TCF3: variants seen among roughly 807,000 people sequenced by gnomAD.
TCF3 encodes transcription factor E2-alpha.
TCF3 carries 54 observed loss-of-function variants against 72.3 expected under a neutral mutation model. The ratio of observed to expected loss-of-function variants is 0.75; its 90% confidence interval spans 0.60 to 0.94. The LOEUF is 0.94. Ranked by LOEUF, TCF3 falls within the 40% of genes least tolerant of loss-of-function variation. The pLI is 0.00. For missense variants in TCF3, 1,078 were observed against 934.4 expected (o/e 1.15, Z -2.00); for synonymous variants, 525 against 412.6 (o/e 1.27, Z -3.30).
At chr19:1,636,890 C>A (rs150400301) in intron 3 of TCF3, among the ~76,000 whole-genome samples, 1 of 152,150 alleles carries the variant, frequency 6.6e-6, no homozygotes, top group Non-Finnish European at 1.5e-5. Flanking sequence ...CCCTGTGGCC[C>A]GCCCGCGAGC....
At chr19:1,633,037 C>A (rs114195515) in intron 3 of TCF3, among the ~76,000 whole-genome samples, 67 of 141,226 alleles carry the variant, frequency 4.7e-4, no homozygotes, top group African/African-American at 1.6e-3. Context: ...CAGAAGCCTG[C>A]GTGGGGCAGG....
At chr19:1,650,341 A>C (rs2066820294) in intron 1 of TCF3, 54 bp from the exon 2 acceptor site, 6 of 1,323,300 alleles carry the variant, frequency 4.5e-6, no homozygotes, top group Admixed American at 2.1e-5. Context: ...AGGGGAGAAG[A>C]GTTGTGAGTG....
chr19:1,639,533 C>T (rs906991570), intron 3 of TCF3, among the ~76,000 whole-genome samples: 3 of 152,048 alleles, frequency 2.0e-5, no homozygotes, highest in African/African-American at 2.4e-5. Context: ...GGTTCAAAGG[C>T]CTCGCAGCTC....
intron 6 of TCF3, among the ~76,000 whole-genome samples, chr19:1,626,131 G>A (rs369755293): frequency 2.6e-5 from 4 of 152,070 alleles, no homozygotes; most frequent in African/African-American, 9.7e-5. Context: ...GCCCTGAGCC[G>A]GGTCCCGGAA....
In TCF3 at chr19:1,646,642, C is replaced by T. The variant is rs978772123; in HGVS notation, c.73-215G>A. ...AGTGACGCTGCACCCTGGACACCCA[C>T]GCCCAGAGTGAGAAAACTCCAGACG... On this transcript the variant is annotated intron_variant, in intron 2 of 18. Coordinates refer to ENST00000262965, the MANE Select transcript of TCF3 (RefSeq NM_003200.5). 4.6e-5 allele frequency among the ~76,000 whole-genome samples: 7 copies of T among 152,274 alleles called. No homozygotes were observed. In the East Asian group the frequency reaches 5.8e-4, roughly 13 times the overall value.
At chr19:1,624,773 C>T (rs1280335111) in intron 7 of TCF3, among the ~76,000 whole-genome samples, 3 of 152,240 alleles carry the variant, frequency 2.0e-5, no homozygotes, top group African/African-American at 4.8e-5. Context: ...GGCCTCCTCC[C>T]GCATCATGGG....
rs2065436785 is a variant in TCF3 at position 1,642,284 on chromosome 19, G to GCA, written c.145+4070_145+4071insTG. 1.2e-4 allele frequency among the ~76,000 whole-genome samples: 16 copies of GCA among 134,938 alleles called. No homozygotes were observed. The South Asian group carries it at 3.3e-3, about 28-fold the overall frequency. 88.5% of individuals were successfully genotyped at this position (134,938 alleles called of 152,430 possible). A position where few individuals can be genotyped will look rare whatever the true frequency, so the allele number is the denominator to read the frequency against. On this transcript the variant is annotated intron_variant, in intron 3 of 18. Coordinates refer to ENST00000262965, the MANE Select transcript of TCF3 (RefSeq NM_003200.5). ...CACACACGCACGCACACGCACAGAC[G>GCA]CGCACACGCACAGACACACACCCGC...
chr19:1,622,677 G>A (rs772573969), intron 8 of TCF3, among the ~76,000 whole-genome samples: 12 of 152,102 alleles, frequency 7.9e-5, no homozygotes, highest in Non-Finnish European at 1.6e-4. Flanking sequence ...TTGAGGACTT[G>A]GATCTGGCTC....
chr19:1,623,898 C>T (rs745516392), intron 8 of TCF3, 53 bp downstream of exon 8: 18 of 1,586,242 alleles, frequency 1.1e-5, no homozygotes, highest in Non-Finnish European at 1.6e-5. Context: ...GGACACAGGG[C>T]CTGGCACTGC....
chr19:1,624,447 T>C (rs995925958), intron 7 of TCF3, among the ~76,000 whole-genome samples: 7 of 152,212 alleles, frequency 4.6e-5, no homozygotes, highest in African/African-American at 1.7e-4. Flanking sequence ...GGTCTATTTA[T>C]ACGGCTCCAA....
chr19:1,632,148 T>TG (rs2063788861), intron 4 of TCF3, 32 bp from the exon 5 acceptor site: 1 of 1,605,272 alleles, frequency 6.2e-7, no homozygotes, highest in African/African-American at 1.3e-5. Context: ...TGAGAGGTGC[T>TG]GGGGCTTCAC....
Position 1,615,757 on chromosome 19 carries a change from C to T in TCF3, c.1515G>A (p.Glu505=), listed in dbSNP as rs747510414. ...SEIKREEKED[E]ENTSAADHSE... Reference sequence around the variant, plus strand: ...AGTGGTCAGCCGCTGACGTGTTCTCCTCGTCCTCCTTCTCCTCCCGCTTGA... The same window carrying T: ...AGTGGTCAGCCGCTGACGTGTTCTCTTCGTCCTCCTTCTCCTCCCGCTTGA... Residue 505 remains glutamate, a synonymous_variant, in exon 17 of 19, where the codon GAG becomes GAA. Coordinates refer to ENST00000262965, the MANE Select transcript of TCF3 (RefSeq NM_003200.5). The surrounding 1 kb of genome is among the most constrained non-coding windows in gnomAD (Gnocchi z 7.3). 4.4e-6 allele frequency: 7 copies of T among 1,606,626 alleles called. No homozygotes were observed. The highest frequency in any genetic ancestry group is 3.3e-5 in the South Asian group (3 of 90,118).
intron 1 of TCF3, chr19:1,651,151 G>A (rs2066975244): frequency 4.3e-6 from 1 of 231,878 alleles, no homozygotes; most frequent in Non-Finnish European, 8.5e-6. Context: ...CACCTGCCAA[G>A]ACCCATTCCA....
Position 1,615,603 on chromosome 19 carries a change from T to C in TCF3, c.1586+83A>G. 3 of 1,606,938 alleles carry C rather than the reference T, an allele frequency of 1.9e-6. No homozygotes were observed. The highest frequency in any genetic ancestry group is 1.7e-6 in the Non-Finnish European group (2 of 1,179,360). On this transcript the variant is annotated intron_variant, in intron 17 of 18. Transcript: ENST00000262965. The surrounding 1 kb of genome is among the most constrained non-coding windows in gnomAD (Gnocchi z 7.3). ...GTGGGGCCCGCCGACGGCCTCCCAGTGTGGGTGCGGTGTGCGTGTGGCCTG... is the reference window on the plus strand; with the variant it reads ...GTGGGGCCCGCCGACGGCCTCCCAGCGTGGGTGCGGTGTGCGTGTGGCCTG...
intron 18 of TCF3, chr19:1,612,349 C>A: frequency 6.2e-7 from 1 of 1,613,964 alleles, no homozygotes; most frequent in East Asian, 2.2e-5. Flanking sequence ...CCCGCACGCG[C>A]ACCCGCTCCC....
intron 2 of TCF3, among the ~76,000 whole-genome samples, 155 bp downstream of exon 2, chr19:1,650,020 CAG>C (rs111231760): frequency 0.011 from 1,681 of 152,340 alleles, 39 homozygotes; most frequent in African/African-American, 0.039. Context: ...AGCCTCCTGC[CAG>C]AGAGCGGCCC....
chr19:1,647,395 C>G (rs2145669710), intron 2 of TCF3, among the ~76,000 whole-genome samples: 1 of 152,366 alleles, frequency 6.6e-6, no homozygotes, highest in Admixed American at 6.5e-5. Flanking sequence ...TCCCCAACAC[C>G]TTCCCCAGCC....
intron 18 of TCF3, among the ~76,000 whole-genome samples, chr19:1,612,984 G>A (rs1011471017): frequency 6.6e-6 from 1 of 150,478 alleles, no homozygotes; most frequent in Non-Finnish European, 1.5e-5. Flanking sequence ...GTACATGGCT[G>A]GTGCTGCTGT....
chr19:1,613,992 C>T (rs900579338), intron 18 of TCF3, among the ~76,000 whole-genome samples: 6 of 152,258 alleles, frequency 3.9e-5, no homozygotes, highest in African/African-American at 7.2e-5. Flanking sequence ...CGCAGGGGTG[C>T]GGGTCCCGGC....
Sources: allele counts gnomAD v4.1 joint callset (sites outside exome capture counted in the v4.1 genomes callset), GRCh38; gene constraint gnomAD v4.1.1; non-coding constraint Gnocchi (gnomAD v3.1); transcripts MANE v1.5; gene names NCBI Gene and HGNC (gene_info 2026-07-23, HGNC 2026-07-21).